ANKRD28: variants seen among roughly 807,000 people sequenced by gnomAD.
The protein encoded by ANKRD28 is ankyrin repeat domain 28, also known as serine/threonine-protein phosphatase 6 regulatory ankyrin repeat subunit A.
In ANKRD28, 44 loss-of-function variants were observed where a neutral mutation model predicts 126.5. The ratio of observed to expected loss-of-function variants is 0.35; its 90% CI spans 0.27 to 0.45. ANKRD28 has a LOEUF of 0.45. ANKRD28 is among the 20% of genes least tolerant of loss of function. The pLI is 1.00. For synonymous variants in ANKRD28, 442 were observed against 468.5 expected, an observed-to-expected ratio of 0.94 and a Z score of 0.73; for missense variants, 1,110 against 1,316.6, an observed-to-expected ratio of 0.84 and a Z score of 2.43.
In ANKRD28 at chr3:15,757,718, C is replaced by A. The variant is rs149757824; in HGVS notation, c.281-5898G>T. On this transcript the variant is annotated intron_variant, in intron 3 of 27. Transcript: ENST00000683139. ...ATACCAAATCTTCTGGCATCACGAT[C>A]TTCCCAGGCCCCAGAACTGAGAAAA... 9.7e-4 allele frequency among the ~76,000 whole-genome samples: 147 copies of A among 152,274 alleles called. No homozygotes were observed. In the Middle Eastern group the frequency reaches 0.014, roughly 14 times the overall value.
At chr3:15,715,596 G>GT (rs1301400813) in intron 8 of ANKRD28, among the ~76,000 whole-genome samples, 3 of 152,118 alleles carry the variant, frequency 2.0e-5, no homozygotes, top group Non-Finnish European at 1.5e-5. Flanking sequence ...GGAGGAGAGA[G>GT]GATGCATGCA....
At chr3:15,778,063 G>A (rs1185203694) in intron 2 of ANKRD28, among the ~76,000 whole-genome samples, 1 of 152,076 alleles carries the variant, frequency 6.6e-6, no homozygotes, top group Non-Finnish European at 1.5e-5. Flanking sequence ...TCATACATAA[G>A]TATCTTTTTT....
At chr3:15,776,453 T>C (rs2059274371) in intron 2 of ANKRD28, among the ~76,000 whole-genome samples, 1 of 152,238 alleles carries the variant, frequency 6.6e-6, no homozygotes, top group African/African-American at 2.4e-5. Context: ...CAAAATAGCA[T>C]TGCACAAAAG....
chr3:15,686,128 C>T lies in ANKRD28; in HGVS notation c.2052-9G>A, dbSNP rs1222542056. 1.2e-6 allele frequency: 2 copies of T among 1,610,760 alleles called. No homozygotes were observed. Among genetic ancestry groups the T allele is most frequent in the Non-Finnish European group, 1.7e-6 (2 of 1,178,180 alleles). On this transcript the variant is annotated splice_polypyrimidine_tract_variant and intron_variant, in intron 19 of 27. Transcript: ENST00000683139. ...ATAGCATCAGAGGCGTCCTGAGCAA[C>T]AACAGGAATAGGTTCAGTGCTGTCA...
At chr3:15,836,998 G>A (rs2061340181) in intron 1 of ANKRD28, among the ~76,000 whole-genome samples, 2 of 151,588 alleles carry the variant, frequency 1.3e-5, no homozygotes. Context: ...TACTTGGGAG[G>A]CTGAGGCAGG....
At chr3:15,859,363 A>C (rs1174290648) in intron 1 of ANKRD28, 1 of 1,527,666 alleles carries the variant, frequency 6.5e-7, no homozygotes, top group South Asian at 1.2e-5. Context: ...CCCGCCCTGC[A>C]GCCCCTCACC....
intron 14 of ANKRD28, among the ~76,000 whole-genome samples, chr3:15,701,005 C>T (rs2070508760): frequency 6.6e-6 from 1 of 152,136 alleles, no homozygotes; most frequent in African/African-American, 2.4e-5. Flanking sequence ...TCAAATACGT[C>T]TACCCAAATA....
intron 1 of ANKRD28, among the ~76,000 whole-genome samples, chr3:15,795,735 G>A (rs2060248380): frequency 6.6e-6 from 1 of 152,038 alleles, no homozygotes; most frequent in Non-Finnish European, 1.5e-5. Context: ...ATCTTACATG[G>A]ATTAGCATTA....
At chr3:15,686,649 G>A (rs1243200297) in intron 18 of ANKRD28, among the ~76,000 whole-genome samples, 2 of 152,160 alleles carry the variant, frequency 1.3e-5, no homozygotes, top group Non-Finnish European at 2.9e-5. Context: ...ACCATGATTA[G>A]ACCAAGTCAA....
chr3:15,802,705 G>C (rs977345336), upstream of ANKRD28, among the ~76,000 whole-genome samples: 4 of 152,156 alleles, frequency 2.6e-5, no homozygotes, highest in Admixed American at 6.5e-5. Flanking sequence ...GATGGAAACA[G>C]TTACCACAAA....
chr3:15,705,290 A>G (rs1423042428), intron 14 of ANKRD28, among the ~76,000 whole-genome samples: 1 of 152,214 alleles, frequency 6.6e-6, no homozygotes, highest in African/African-American at 2.4e-5. Flanking sequence ...CACATCTCCA[A>G]CACTATGGGT....
chr3:15,741,834 C>T (rs1450357667), intron 4 of ANKRD28, among the ~76,000 whole-genome samples: 1 of 150,164 alleles, frequency 6.7e-6, no homozygotes, highest in African/African-American at 2.4e-5. Context: ...TGCAGCCTCC[C>T]TGCCTGATTC....
chr3:15,729,688 G>GC (rs2074433759), intron 6 of ANKRD28, among the ~76,000 whole-genome samples: 3 of 151,900 alleles, frequency 2.0e-5, no homozygotes, highest in Admixed American at 1.3e-4. Flanking sequence ...TCAAACAGAG[G>GC]CACCCCTCCC....
chr3:15,756,836 C>T (rs925536735), intron 3 of ANKRD28, among the ~76,000 whole-genome samples: 10 of 152,298 alleles, frequency 6.6e-5, no homozygotes, highest in Admixed American at 4.6e-4. Context: ...TCCCATTTGA[C>T]TCCAGATTTC....
Position 15,749,093 on chromosome 3 carries a change from ATGTTTT to A in ANKRD28, c.351+2651_351+2656del, listed in dbSNP as rs1553618611. Reference sequence around the variant, plus strand: ...GAATTTTCCTTTCATATTCTATATTATGTTTTTGTTTTTTTTTTTTTTTTTTTTGAG... The same window carrying A: ...GAATTTTCCTTTCATATTCTATATTATGTTTTTTTTTTTTTTTTTTTTGAG... On this transcript the variant is annotated intron_variant, in intron 4 of 27. Transcript: ENST00000683139. 4.3e-3 allele frequency among the ~76,000 whole-genome samples: 248 copies of A among 57,804 alleles called. 14 individuals are homozygous for A. Among genetic ancestry groups the A allele is most frequent in the Admixed American group, 0.01 (47 of 4,606 alleles). The allele number at this position is 57,804 out of a possible 152,430, so 37.9% of individuals were successfully genotyped here. A position where few individuals can be genotyped will look rare whatever the true frequency, so the allele number is the denominator to read the frequency against.
At chr3:15,692,144 TAAAA>T (rs908039642) in intron 17 of ANKRD28, among the ~76,000 whole-genome samples, 8 of 98,910 alleles carry the variant, frequency 8.1e-5, no homozygotes, top group South Asian at 3.5e-4. Context: ...TATCTCTAAA[TAAAA>T]AAAAAAAAAA....
intron 1 of ANKRD28, among the ~76,000 whole-genome samples, chr3:15,852,090 G>A (rs1223127111): frequency 6.6e-6 from 1 of 152,142 alleles, no homozygotes; most frequent in Non-Finnish European, 1.5e-5. Context: ...AGGGGTAAAA[G>A]GTTTTTGTCA....
intron 21 of ANKRD28, among the ~76,000 whole-genome samples, chr3:15,682,074 G>A (rs558596338): frequency 8.4e-4 from 127 of 151,944 alleles, no homozygotes; most frequent in Non-Finnish European, 1.5e-3. Context: ...GAACCCTGGG[G>A]TGACGCAAAA....
chr3:15,828,812 C>T (rs982019326), intron 1 of ANKRD28, among the ~76,000 whole-genome samples: 1 of 152,178 alleles, frequency 6.6e-6, no homozygotes, highest in Non-Finnish European at 1.5e-5. Flanking sequence ...ACAAACCAAA[C>T]TTACCCTTTA....
Sources: gnomAD v4.1 joint callset for allele counts (sites outside exome capture counted in the v4.1 genomes callset) on GRCh38, gnomAD v4.1.1 for gene constraint, MANE v1.5 for transcripts, NCBI Gene and HGNC (gene_info 2026-07-23, HGNC 2026-07-21) for gene names.